Variants in SERTAD2 observed in about 807,000 individuals in gnomAD.
SERTAD2 encodes SERTA domain-containing protein 2.
Under a neutral mutation model 15.4 loss-of-function variants are expected in SERTAD2, and 2 were observed. That is an observed-to-expected ratio of 0.13 (90% confidence interval 0.05 to 0.41). The LOEUF (loss-of-function observed/expected upper bound fraction) is 0.41. Ranked by LOEUF, SERTAD2 falls within the 10% of genes least tolerant of loss-of-function variation. The pLI, the probability that SERTAD2 is intolerant of heterozygous loss-of-function variation, is 0.99. For synonymous variants in SERTAD2, 180 were observed against 178.0 expected, an observed-to-expected ratio of 1.01 and a Z score of -0.09; for missense variants, 333 against 409.7, an observed-to-expected ratio of 0.81 and a Z score of 1.62.
At chr2:64,651,268 G>C (rs987098702) in intron 1 of SERTAD2, among the ~76,000 whole-genome samples, 1 of 152,094 alleles carries the variant, frequency 6.6e-6, no homozygotes, top group African/African-American at 2.4e-5. Context: ...ACCTTTCTTA[G>C]TTACTAAAAT....
chr2:64,650,118 A>G (rs548935717), intron 1 of SERTAD2, among the ~76,000 whole-genome samples: 1 of 152,362 alleles, frequency 6.6e-6, no homozygotes, highest in East Asian at 1.9e-4. Flanking sequence ...GAGGATTCTG[A>G]GAAAAGACAA....
intron 1 of SERTAD2, among the ~76,000 whole-genome samples, chr2:64,642,826 T>A (rs898578235): frequency 6.6e-6 from 1 of 152,208 alleles, no homozygotes; most frequent in Non-Finnish European, 1.5e-5. Context: ...CAAAAAAAGA[T>A]GCAAAAGTCT....
rs1241526014 is a variant in SERTAD2 at position 64,634,462 on chromosome 2, A to C, written c.*1465T>G. ...GGGTAAAACAGCCTTGACAAGTGTGAAGTAGCTGACTCAGGAAAGCAACCA... is the reference window on the plus strand; with the variant it reads ...GGGTAAAACAGCCTTGACAAGTGTGCAGTAGCTGACTCAGGAAAGCAACCA... On this transcript the variant is annotated 3_prime_UTR_variant, in exon 2 of 2. Coordinates refer to ENST00000313349, the MANE Select transcript of SERTAD2 (RefSeq NM_014755.3). 6.6e-6 allele frequency: 1 copy of C among 152,208 alleles called. No individual in the cohort carries two copies. Among genetic ancestry groups the C allele is most frequent in the Non-Finnish European group, 1.5e-5 (1 of 68,038 alleles). 9.4% of individuals were successfully genotyped at this position (152,208 alleles called of 1,614,324 possible). A position where few individuals can be genotyped will look rare whatever the true frequency, so the allele number is the denominator to read the frequency against.
chr2:64,648,141 C>T (rs1339491994), intron 1 of SERTAD2, among the ~76,000 whole-genome samples: 1 of 152,024 alleles, frequency 6.6e-6, no homozygotes, highest in Non-Finnish European at 1.5e-5. Flanking sequence ...GACATGAGTA[C>T]AAAAATTTGA....
intron 1 of SERTAD2, among the ~76,000 whole-genome samples, chr2:64,637,340 A>G (rs1235009670): frequency 6.6e-6 from 1 of 152,252 alleles, no homozygotes; most frequent in African/African-American, 2.4e-5. Context: ...AGCACTTCTT[A>G]AAGGATTAAA....
chr2:64,640,066 A>G (rs1674738432), intron 1 of SERTAD2, among the ~76,000 whole-genome samples: 2 of 152,204 alleles, frequency 1.3e-5, no homozygotes, highest in African/African-American at 4.8e-5. Flanking sequence ...GTTTTGTATT[A>G]TAAGGCAAAA....
At chr2:64,637,539 G>C (rs991214222) in intron 1 of SERTAD2, among the ~76,000 whole-genome samples, 1 of 152,182 alleles carries the variant, frequency 6.6e-6, no homozygotes, top group African/African-American at 2.4e-5. Context: ...ATCAAGGGGA[G>C]GAATGCGTAT....
intron 1 of SERTAD2, among the ~76,000 whole-genome samples, chr2:64,644,430 G>A (rs1314661026): frequency 1.3e-5 from 2 of 152,218 alleles, no homozygotes; most frequent in Non-Finnish European, 2.9e-5. Flanking sequence ...CATGACAAAA[G>A]GGAACCTCCC....
intron 1 of SERTAD2, among the ~76,000 whole-genome samples, chr2:64,639,247 G>A (rs147644879): frequency 6.6e-6 from 1 of 152,338 alleles, no homozygotes; most frequent in African/African-American, 2.4e-5. Flanking sequence ...ACTGGTCCAC[G>A]ATGAGGTATG....
intron 1 of SERTAD2, among the ~76,000 whole-genome samples, chr2:64,646,173 T>G (rs1674896965): frequency 6.6e-6 from 1 of 152,002 alleles, no homozygotes; most frequent in South Asian, 2.1e-4. Context: ...AACCTGGCCA[T>G]GTAGATGAAA....
At chr2:64,652,489 T>A (rs1362452168) in intron 1 of SERTAD2, among the ~76,000 whole-genome samples, 1 of 152,226 alleles carries the variant, frequency 6.6e-6, no homozygotes, top group Non-Finnish European at 1.5e-5. Context: ...TCCTGGTGAC[T>A]ACAACTTCTA....
rs1004166678 is a variant in SERTAD2 at position 64,636,506 on chromosome 2, G to A, written c.366C>T (p.Ser122=). The change falls in exon 2 of 2, where the codon AGC becomes AGT. Residue 122 remains serine, a synonymous_variant. Transcript: ENST00000313349. ...TGAGGCAGGCCTCCAGGGGCGTAGT[G>A]CTTCCGAGGTCGCAGGGGTGGGAGG... The part of the protein sequence containing the change: ...SPSSHPCDLG[S]TTPLEACLTP... The A allele has an allele frequency of 5.0e-5, 81 of 1,608,780 alleles. No homozygotes were observed. The highest frequency in any genetic ancestry group is 6.5e-5 in the Non-Finnish European group (76 of 1,176,272).
At chr2:64,643,520 G>T (rs1290522654) in intron 1 of SERTAD2, among the ~76,000 whole-genome samples, 1 of 152,192 alleles carries the variant, frequency 6.6e-6, no homozygotes, top group African/African-American at 2.4e-5. Context: ...TTTTCAAAAC[G>T]CTAGCTAACA....
At chr2:64,641,687 G>C (rs1429395793) in intron 1 of SERTAD2, among the ~76,000 whole-genome samples, 4 of 152,230 alleles carry the variant, frequency 2.6e-5, no homozygotes, top group African/African-American at 9.6e-5. Flanking sequence ...CTGTGTCTGG[G>C]AGGGAGGGTC....
chr2:64,652,061 C>G (rs2104354984), intron 1 of SERTAD2, among the ~76,000 whole-genome samples: 1 of 151,140 alleles, frequency 6.6e-6, no homozygotes, highest in East Asian at 1.9e-4. Flanking sequence ...ACATATAATA[C>G]CCCTCTAAAG....
At chr2:64,647,337 A>C (rs927796236) in intron 1 of SERTAD2, among the ~76,000 whole-genome samples, 2 of 152,176 alleles carry the variant, frequency 1.3e-5, no homozygotes, top group Admixed American at 1.3e-4. Context: ...TTGGTGTCAG[A>C]GTATGTTTTT....
At chr2:64,652,591 T>A (rs957212142) in intron 1 of SERTAD2, among the ~76,000 whole-genome samples, 1 of 152,216 alleles carries the variant, frequency 6.6e-6, no homozygotes, top group African/African-American at 2.4e-5. Flanking sequence ...ATGTACTCTC[T>A]ACCCTAAGCC....
At position 64,636,884 on chromosome 2, in the gene SERTAD2, G is replaced by C. The variant is rs1300430407; in HGVS notation, c.-4-9C>G. 2 of 1,562,514 alleles carry C rather than the reference G, an allele frequency of 1.3e-6. No individual in the cohort carries two copies. Among genetic ancestry groups the C allele is most frequent in the Admixed American group, 1.8e-5 (1 of 56,258 alleles). ...CTTTACCCAACATATATCTGCAGAGGGGAGAGAGAGGAAATGGCATTAATC... is the reference window on the plus strand; with the variant it reads ...CTTTACCCAACATATATCTGCAGAGCGGAGAGAGAGGAAATGGCATTAATC... On this transcript the variant is annotated splice_polypyrimidine_tract_variant and intron_variant, in intron 1 of 1. Coordinates refer to ENST00000313349, the MANE Select transcript of SERTAD2 (RefSeq NM_014755.3).
At chr2:64,636,911 C>T (rs75682685) in intron 1 of SERTAD2, 36 bp from the exon 2 acceptor site, 4 of 1,417,950 alleles carry the variant, frequency 2.8e-6, no homozygotes, top group Middle Eastern at 1.8e-4. Flanking sequence ...GCATTAATCA[C>T]ATGAAAGCTG....
Sources: allele counts gnomAD v4.1 joint callset (sites outside exome capture counted in the v4.1 genomes callset), GRCh38; gene constraint gnomAD v4.1.1; transcripts MANE v1.5; gene names NCBI Gene and HGNC (gene_info 2026-07-23, HGNC 2026-07-21).